Variants in KATNBL1 observed in about 807,000 individuals in gnomAD.
KATNBL1 encodes KATNB1-like protein 1.
Under a neutral mutation model 44.7 loss-of-function variants are expected in KATNBL1, and 28 were observed. The ratio of observed to expected loss-of-function variants is 0.63; its 90% CI spans 0.46 to 0.86. The LOEUF (loss-of-function observed/expected upper bound fraction) is 0.86, where lower values mean the gene tolerates loss of function less well. KATNBL1 is among the 40% of genes least tolerant of loss of function. The pLI is 0.00. For missense variants in KATNBL1, 272 were observed against 350.7 expected (o/e 0.78, Z 1.79); for synonymous variants, 78 against 114.9 (o/e 0.68, Z 2.06).
At chr15:34,184,211 C>T (rs1383358986) in intron 1 of KATNBL1, among the ~76,000 whole-genome samples, 1 of 151,550 alleles carries the variant, frequency 6.6e-6, no homozygotes, top group Non-Finnish European at 1.5e-5. Flanking sequence ...GAGGCTGAGG[C>T]AGGAGAATGG....
intron 1 of KATNBL1, chr15:34,166,197 A>G (rs1888966715): frequency 6.6e-6 from 1 of 152,276 alleles, no homozygotes; most frequent in South Asian, 2.1e-4. Context: ...GGAATACATG[A>G]CAGACTCTAC....
intron 1 of KATNBL1, among the ~76,000 whole-genome samples, chr15:34,193,851 C>CAAAAAAAAAAAAAAAA (rs58951561): frequency 1.1e-4 from 7 of 63,560 alleles, no homozygotes; most frequent in African/African-American, 1.9e-4. Flanking sequence ...GGCCCTGTCT[C>CAAAAAAAAAAAAAAAA]AAAAAAAAAA....
At chr15:34,156,355 A>G (rs1467230884) in intron 2 of KATNBL1, among the ~76,000 whole-genome samples, 2 of 152,212 alleles carry the variant, frequency 1.3e-5, no homozygotes, top group Non-Finnish European at 2.9e-5. Flanking sequence ...AATCCTGGAA[A>G]AAGAGCTACC....
chr15:34,172,794 C>T (rs988242888), intron 1 of KATNBL1, among the ~76,000 whole-genome samples: 82 of 147,846 alleles, frequency 5.5e-4, no homozygotes, highest in East Asian at 5.9e-4. Context: ...CACACACACA[C>T]ACGCTTCTCT....
rs1306907580 is a variant in KATNBL1 at position 34,148,821 on chromosome 15, C to T, written c.439-71G>A. On this transcript the variant is annotated intron_variant, in intron 4 of 9. Coordinates refer to ENST00000256544, the MANE Select transcript of KATNBL1 (RefSeq NM_024713.3). ...GTATGAAACTATTTTTTTATTAAATCGTTCTGGTAGACATAGTTAAAAATC... is the reference window on the plus strand; with the variant it reads ...GTATGAAACTATTTTTTTATTAAATTGTTCTGGTAGACATAGTTAAAAATC... 56 of 870,964 alleles carry T rather than the reference C, an allele frequency of 6.4e-5. No individual in the cohort carries two copies. In the South Asian group the frequency reaches 6.7e-4, roughly 10 times the overall value. The allele number at this position is 870,964 out of a possible 1,614,324, so 54.0% of individuals were successfully genotyped here. A position where few individuals can be genotyped will look rare whatever the true frequency, so the allele number is the denominator to read the frequency against.
At position 34,147,396 on chromosome 15, in the gene KATNBL1, G is replaced by A; in HGVS notation, c.592C>T (p.Pro198Ser). ...EDLGVVVDCL[P>S]VLTNCLQEEK... is the part of the protein sequence containing the mutation. ...TGTTTTTACCAATTGGTGAGCACAG[G>A]AAGGCAATCTACCACAACGCCAAGA... The change falls in exon 6 of 10, where the codon CCT becomes TCT. Residue 198 changes from proline (P) to serine (S), a missense_variant. Transcript: ENST00000256544. 1 of 1,613,370 alleles carries A rather than the reference G, an allele frequency of 6.2e-7. No homozygotes were observed. Among genetic ancestry groups the A allele is most frequent in the Non-Finnish European group, 8.5e-7 (1 of 1,179,410 alleles).
At chr15:34,191,856 A>G (rs1220607997) in intron 1 of KATNBL1, among the ~76,000 whole-genome samples, 1 of 150,948 alleles carries the variant, frequency 6.6e-6, no homozygotes, top group Non-Finnish European at 1.5e-5. Flanking sequence ...CTGAGGCAGG[A>G]GAATGGAGTG....
At chr15:34,169,572 C>T (rs891363801) in intron 1 of KATNBL1, among the ~76,000 whole-genome samples, 4 of 152,156 alleles carry the variant, frequency 2.6e-5, no homozygotes, top group African/African-American at 7.2e-5. Context: ...AGAGGGAATC[C>T]TCCCTAACTC....
chr15:34,180,431 T>C (rs1889484032), intron 1 of KATNBL1, among the ~76,000 whole-genome samples: 1 of 152,218 alleles, frequency 6.6e-6, no homozygotes, highest in Admixed American at 6.5e-5. Context: ...TTTCTGTTCA[T>C]ACGACACAGT....
At chr15:34,166,090 A>C in intron 1 of KATNBL1, 1 of 152,422 alleles carries the variant, frequency 6.6e-6, no homozygotes, top group East Asian at 1.9e-4. Flanking sequence ...CTGGCTGGAC[A>C]GTGGATGCAG....
Position 34,193,766 on chromosome 15 carries a change from C to T in KATNBL1, c.-15+16185G>A, listed in dbSNP as rs552801150. ...ACTCAGGACGCTGAGGCAGGAGGGT[C>T]GCTTGAGCCCAGGAGGTTGAGGCTG... is the stretch of plus-strand genomic sequence containing the variant. On this transcript the variant is annotated intron_variant, in intron 1 of 9. Coordinates refer to ENST00000256544, the MANE Select transcript of KATNBL1 (RefSeq NM_024713.3). Among the ~76,000 whole-genome samples, 32 of 143,588 alleles carry T rather than the reference C, an allele frequency of 2.2e-4. 1 individual carries two copies. Among genetic ancestry groups the T allele is most frequent in the Admixed American group, 1.2e-3 (16 of 13,580 alleles). 94.2% of individuals were successfully genotyped at this position (143,588 alleles called of 152,430 possible).
intron 1 of KATNBL1, among the ~76,000 whole-genome samples, chr15:34,163,896 CTTTTT>C (rs5811822): frequency 6.9e-6 from 1 of 145,650 alleles, no homozygotes; most frequent in African/African-American, 2.5e-5. Flanking sequence ...TGTCCTCATT[CTTTTT>C]TTTTTTTTTG....
intron 1 of KATNBL1, among the ~76,000 whole-genome samples, chr15:34,203,017 C>A (rs1422998290): frequency 6.6e-6 from 1 of 151,930 alleles, no homozygotes; most frequent in Admixed American, 6.6e-5. Context: ...TAAATAAAAT[C>A]TCTCATCATA....
At chr15:34,191,088 C>T (rs1889857607) in intron 1 of KATNBL1, among the ~76,000 whole-genome samples, 1 of 150,730 alleles carries the variant, frequency 6.6e-6, no homozygotes, top group African/African-American at 2.4e-5. Flanking sequence ...ATATCCTCCC[C>T]AACCACTTGA....
At chr15:34,181,048 C>A (rs1304840269) in intron 1 of KATNBL1, among the ~76,000 whole-genome samples, 2 of 152,190 alleles carry the variant, frequency 1.3e-5, no homozygotes, top group Non-Finnish European at 2.9e-5. Context: ...TTCCTGCCAC[C>A]AGTCTTCTCC....
Position 34,186,516 on chromosome 15 carries a change from T to C in KATNBL1, c.-14-22826A>G, listed in dbSNP as rs543315630. 7.2e-5 allele frequency among the ~76,000 whole-genome samples: 11 copies of C among 152,178 alleles called. No individual in the cohort carries two copies. The South Asian group carries it at 1.0e-3, about 14-fold the overall frequency. ...CTATGGCTGCAGACCTGGGCCTCCT[T>C]CTCCAGGAAGCAGGCAGGAGGTGGG... On this transcript the variant is annotated intron_variant, in intron 1 of 9. Transcript: ENST00000256544.
At chr15:34,184,176 G>A (rs976174995) in intron 1 of KATNBL1, among the ~76,000 whole-genome samples, 6 of 151,954 alleles carry the variant, frequency 3.9e-5, no homozygotes. Flanking sequence ...CGTGGTGGCG[G>A]GCGCCTGTAG....
In KATNBL1 at chr15:34,157,521, G is replaced by A. The variant is rs114146865; in HGVS notation, c.118-2837C>T. ...AAAGACCTTTAGTTCTGAGGCAAGAGAAAGTGGAAGATAAACTTAAGTATA... is the reference window on the plus strand; with the variant it reads ...AAAGACCTTTAGTTCTGAGGCAAGAAAAAGTGGAAGATAAACTTAAGTATA... On this transcript the variant is annotated intron_variant, in intron 2 of 9. Coordinates refer to ENST00000256544, the MANE Select transcript of KATNBL1 (RefSeq NM_024713.3). Among the ~76,000 whole-genome samples, 771 of 152,306 alleles carry A rather than the reference G, an allele frequency of 5.1e-3. 9 individuals carry two copies. The highest frequency in any genetic ancestry group is 0.017 in the African/African-American group (726 of 41,558).
intron 1 of KATNBL1, among the ~76,000 whole-genome samples, chr15:34,203,375 A>T (rs1384391299): frequency 6.6e-6 from 1 of 151,114 alleles, no homozygotes; most frequent in Non-Finnish European, 1.5e-5. Flanking sequence ...TAGACTATAT[A>T]ATAGCTTCCT....
Sources: allele counts gnomAD v4.1 joint callset (sites outside exome capture counted in the v4.1 genomes callset), GRCh38; gene constraint gnomAD v4.1.1; transcripts MANE v1.5; gene names NCBI Gene and HGNC (gene_info 2026-07-23, HGNC 2026-07-21).